NPAS3: variants seen among roughly 807,000 people sequenced by gnomAD.
The protein encoded by NPAS3 is neuronal PAS domain-containing protein 3.
NPAS3 carries 14 observed loss-of-function variants against 73.1 expected under a neutral mutation model. That is an observed-to-expected ratio of 0.19 (90% CI 0.13 to 0.30). The LOEUF is 0.30. Among genes scored for constraint, NPAS3 ranks in the 10% least tolerant of loss-of-function variants. The pLI is 1.00. For synonymous variants in NPAS3, 620 were observed against 541.5 expected (o/e 1.14, Z -2.01); for missense variants, 1,096 against 1,250.0 (o/e 0.88, Z 1.86).
At chr14:33,195,363 T>A (rs2046316113) in intron 2 of NPAS3, among the ~76,000 whole-genome samples, 1 of 152,098 alleles carries the variant, frequency 6.6e-6, no homozygotes, top group African/African-American at 2.4e-5. Flanking sequence ...CTCCACCTCC[T>A]GGGTTCAAGC....
chr14:33,627,136 G>A (rs892200978), intron 5 of NPAS3, among the ~76,000 whole-genome samples: 1 of 152,134 alleles, frequency 6.6e-6, no homozygotes, highest in Non-Finnish European at 1.5e-5. Flanking sequence ...CTGTCAAGTA[G>A]CAGTTTTAAT....
intron 4 of NPAS3, among the ~76,000 whole-genome samples, chr14:33,379,976 T>TTGTGTG (rs1397567494): frequency 2.4e-4 from 13 of 54,276 alleles, no homozygotes; most frequent in Admixed American, 1.6e-3. Context: ...TAGTTATCCC[T>TTGTGTG]CGTGTGTGTG....
chr14:33,440,029 T>C (rs1347524726), intron 4 of NPAS3, among the ~76,000 whole-genome samples: 1 of 148,972 alleles, frequency 6.7e-6, no homozygotes. Flanking sequence ...GGCAGGAGAA[T>C]GGCGTGAACC....
intron 1 of NPAS3, among the ~76,000 whole-genome samples, chr14:32,961,525 C>G (rs1053529872): frequency 2.6e-5 from 4 of 152,002 alleles, no homozygotes; most frequent in Admixed American, 2.6e-4. Context: ...TGATAAATTG[C>G]TCCATATCTC....
At chr14:33,106,369 A>G (rs890738614) in intron 2 of NPAS3, among the ~76,000 whole-genome samples, 7 of 152,168 alleles carry the variant, frequency 4.6e-5, no homozygotes, top group Admixed American at 1.3e-4. Context: ...ACCTGCTATT[A>G]AATGCCACCT....
chr14:33,297,079 A>C (rs1594627392), intron 3 of NPAS3, among the ~76,000 whole-genome samples: 1 of 152,190 alleles, frequency 6.6e-6, no homozygotes, highest in African/African-American at 2.4e-5. Context: ...AAAGACTTTG[A>C]ATTTACATAA....
At chr14:33,133,333 A>G (rs553127332) in intron 2 of NPAS3, among the ~76,000 whole-genome samples, 24 of 152,326 alleles carry the variant, frequency 1.6e-4, no homozygotes, top group African/African-American at 5.8e-4. Context: ...TAGGCACTAT[A>G]TGAGACATGA....
Position 33,332,272 on chromosome 14 carries a change from G to A in NPAS3, c.386-34914G>A, listed in dbSNP as rs558359072. Among the ~76,000 whole-genome samples the A allele has an allele frequency of 9.9e-4, 151 of 152,122 alleles. 2 individuals are homozygous for A. Among genetic ancestry groups the A allele is most frequent in the South Asian group, 6.2e-3 (30 of 4,812 alleles). On this transcript the variant is annotated intron_variant, in intron 3 of 11. Transcript: ENST00000356141. Reference sequence around the variant, plus strand: ...ACCTCTTAACTAAAATAAGTTTGCCGGCATCTCTCCATAATGATACTTATC... The same window carrying A: ...ACCTCTTAACTAAAATAAGTTTGCCAGCATCTCTCCATAATGATACTTATC...
At chr14:33,648,309 G>A (rs552952063) in intron 5 of NPAS3, among the ~76,000 whole-genome samples, 1 of 152,198 alleles carries the variant, frequency 6.6e-6, no homozygotes, top group South Asian at 2.1e-4. Context: ...CTGACTTTAG[G>A]TCCATTGAAA....
intron 2 of NPAS3, among the ~76,000 whole-genome samples, chr14:33,083,178 CAAAAAAAAAAAAA>C (rs57147759): frequency 0.28 from 17,931 of 64,776 alleles, 3,711 homozygotes; most frequent in Admixed American, 0.41. Flanking sequence ...GAGACTGTCT[CAAAAAAAAAAAAA>C]AAAAAAAAAA....
At chr14:33,300,994 A>C (rs1019895762) in intron 3 of NPAS3, among the ~76,000 whole-genome samples, 5 of 152,030 alleles carry the variant, frequency 3.3e-5, no homozygotes, top group African/African-American at 4.8e-5. Context: ...GAGAGAGGGG[A>C]TAGCAGGTGG....
intron 3 of NPAS3, among the ~76,000 whole-genome samples, chr14:33,247,819 T>A (rs1228649010): frequency 6.6e-6 from 1 of 152,218 alleles, no homozygotes; most frequent in Non-Finnish European, 1.5e-5. Flanking sequence ...TCCTTAGTAG[T>A]GAAGTGTGGG....
chr14:33,786,166 G>A (rs542805816), intron 9 of NPAS3, among the ~76,000 whole-genome samples: 54 of 152,270 alleles, frequency 3.5e-4, no homozygotes, highest in African/African-American at 1.3e-3. Flanking sequence ...CCCAAAATCA[G>A]ACTTTTGTTA....
intron 1 of NPAS3, among the ~76,000 whole-genome samples, chr14:32,989,536 C>T (rs541531847): frequency 1.3e-5 from 2 of 151,942 alleles, no homozygotes; most frequent in African/African-American, 4.8e-5. Context: ...CCCAGCTACG[C>T]GGCAGGCTGA....
chr14:33,136,779 C>T (rs1402662377), intron 2 of NPAS3, among the ~76,000 whole-genome samples: 1 of 152,172 alleles, frequency 6.6e-6, no homozygotes, highest in Non-Finnish European at 1.5e-5. Context: ...ACAGCAATGG[C>T]CTTTGCATCT....
intron 5 of NPAS3, among the ~76,000 whole-genome samples, chr14:33,630,805 C>T (rs1354247711): frequency 1.3e-5 from 2 of 152,138 alleles, no homozygotes; most frequent in African/African-American, 4.8e-5. Context: ...AACAGTATAT[C>T]TAAGGATGCA....
At chr14:33,203,071 G>A (rs754717115) in intron 2 of NPAS3, among the ~76,000 whole-genome samples, 6 of 152,018 alleles carry the variant, frequency 3.9e-5, no homozygotes, top group Admixed American at 1.3e-4. Context: ...CTGTTTAATC[G>A]TCACAAAGAC....
At chr14:33,749,132 A>G (rs1284705646) in intron 7 of NPAS3, among the ~76,000 whole-genome samples, 1 of 152,170 alleles carries the variant, frequency 6.6e-6, no homozygotes, top group East Asian at 1.9e-4. Context: ...ATTAATCTAT[A>G]TCCTCAACTG....
intron 7 of NPAS3, among the ~76,000 whole-genome samples, chr14:33,755,128 A>G (rs866029901): frequency 2.3e-4 from 35 of 152,354 alleles, no homozygotes; most frequent in Middle Eastern, 3.4e-3. Context: ...CTGTTGAAAG[A>G]GGATAATAGT....
Sources: gnomAD v4.1 joint callset for allele counts (sites outside exome capture counted in the v4.1 genomes callset) on GRCh38, gnomAD v4.1.1 for gene constraint, MANE v1.5 for transcripts, NCBI Gene and HGNC (gene_info 2026-07-23, HGNC 2026-07-21) for gene names.